RGS7: variants seen among roughly 807,000 people sequenced by gnomAD.
The protein encoded by RGS7 is regulator of G protein signaling 7, also known as regulator of G-protein signaling 7.
Under a neutral mutation model 81.1 loss-of-function variants are expected in RGS7, and 27 were observed. The ratio of observed to expected loss-of-function variants is 0.33; its 90% CI spans 0.25 to 0.46. The LOEUF (loss-of-function observed/expected upper bound fraction) is 0.46. Ranked by LOEUF, RGS7 falls within the 20% of genes least tolerant of loss-of-function variation. The pLI is 1.00. For synonymous variants in RGS7, 208 were observed against 207.7 expected, an observed-to-expected ratio of 1.00 and a Z score of -0.01; for missense variants, 396 against 607.4, an observed-to-expected ratio of 0.65 and a Z score of 3.66.
intron 2 of RGS7, among the ~76,000 whole-genome samples, chr1:241,162,188 C>A (rs891870181): frequency 6.6e-6 from 1 of 151,206 alleles, no homozygotes; most frequent in African/African-American, 2.4e-5. Context: ...AGACCGTCTC[C>A]CAATAGATAT....
At chr1:240,805,353 A>G (rs1688675858) in intron 15 of RGS7, among the ~76,000 whole-genome samples, 1 of 151,622 alleles carries the variant, frequency 6.6e-6, no homozygotes, top group Non-Finnish European at 1.5e-5. Flanking sequence ...CACTGTAGGT[A>G]ACAGAGAGAG....
chr1:241,344,890 C>T (rs2082788137), intron 2 of RGS7, among the ~76,000 whole-genome samples: 1 of 152,160 alleles, frequency 6.6e-6, no homozygotes, highest in Admixed American at 6.5e-5. Flanking sequence ...CACTCAGATT[C>T]GCAGAGGAAT....
chr1:240,803,379 T>A (rs1029199679), intron 15 of RGS7, among the ~76,000 whole-genome samples: 3 of 152,122 alleles, frequency 2.0e-5, no homozygotes, highest in African/African-American at 7.2e-5. Context: ...TCAGACTGAG[T>A]AATCATCCTG....
chr1:240,913,053 A>G (rs1412574786), intron 6 of RGS7, among the ~76,000 whole-genome samples: 4 of 152,192 alleles, frequency 2.6e-5, no homozygotes, highest in Non-Finnish European at 5.9e-5. Flanking sequence ...CCAGCAAAAC[A>G]CTTCCAAGCT....
chr1:241,061,055 G>A (rs74896716), intron 3 of RGS7, among the ~76,000 whole-genome samples: 4,016 of 152,236 alleles, frequency 0.026, 161 homozygotes, highest in African/African-American at 0.079. Flanking sequence ...AATAAACTGC[G>A]TGAGCATCAG....
At position 240,775,918 on chromosome 1, in the gene RGS7, C is replaced by G; in HGVS notation, c.*302G>C. The G allele has an allele frequency of 2.0e-6, 1 of 488,634 alleles. No individual in the cohort carries two copies. Among genetic ancestry groups the G allele is most frequent in the Non-Finnish European group, 3.7e-6 (1 of 268,580 alleles). The allele number at this position is 488,634 out of a possible 1,614,324, so 30.3% of individuals were successfully genotyped here. A position where few individuals can be genotyped will look rare whatever the true frequency, so the allele number is the denominator to read the frequency against. The stretch of plus-strand genomic sequence containing the variant: ...AAGAAAAGGTTTTACTTCACTTGAA[C>G]TTGTTAAAAAGGAAGAGACACAGAT... On this transcript the variant is annotated 3_prime_UTR_variant, in exon 19 of 19. Coordinates refer to ENST00000440928, the MANE Select transcript of RGS7 (RefSeq NM_001364886.1).
intron 3 of RGS7, among the ~76,000 whole-genome samples, chr1:241,020,029 G>T (rs1208518296): frequency 1.3e-5 from 2 of 152,178 alleles, no homozygotes; most frequent in Non-Finnish European, 2.9e-5. Context: ...GGAAATAAAA[G>T]TGGAAGTCTC....
At chr1:240,856,703 A>G (rs1333020704) in intron 9 of RGS7, among the ~76,000 whole-genome samples, 3 of 152,196 alleles carry the variant, frequency 2.0e-5, no homozygotes, top group Non-Finnish European at 4.4e-5. Flanking sequence ...TAATCCTTCA[A>G]AAGATAATTT....
chr1:240,996,458 C>T lies in RGS7; in HGVS notation c.176-13329G>A, dbSNP rs529193593. Reference sequence around the variant, plus strand: ...TTCTTCTTTCAGTTCTATCCATTTGCCTCATGTATTCTGAATCTCTCTTGT... The same window carrying T: ...TTCTTCTTTCAGTTCTATCCATTTGTCTCATGTATTCTGAATCTCTCTTGT... On this transcript the variant is annotated intron_variant, in intron 3 of 18. Transcript: ENST00000440928. Among the ~76,000 whole-genome samples, 15 of 152,234 alleles carry T rather than the reference C, an allele frequency of 9.9e-5. No homozygotes were observed. The East Asian group carries it at 2.9e-3, about 29-fold the overall frequency.
intron 2 of RGS7, among the ~76,000 whole-genome samples, chr1:241,246,703 C>T (rs916523286): frequency 6.6e-6 from 1 of 151,982 alleles, no homozygotes; most frequent in African/African-American, 2.4e-5. Flanking sequence ...GGTATGTTGG[C>T]TTTAATAGTT....
At chr1:241,256,910 A>T (rs1000032476) in intron 2 of RGS7, among the ~76,000 whole-genome samples, 2 of 146,252 alleles carry the variant, frequency 1.4e-5, no homozygotes, top group Non-Finnish European at 3.0e-5. Context: ...AGTTATTCTT[A>T]AACTACCACT....
chr1:241,099,460 A>C (rs2064555388), intron 2 of RGS7, among the ~76,000 whole-genome samples: 1 of 152,182 alleles, frequency 6.6e-6, no homozygotes, highest in Non-Finnish European at 1.5e-5. Flanking sequence ...GTATACAATA[A>C]AATGAATGTA....
At chr1:240,927,813 T>C (rs186661285) in intron 6 of RGS7, among the ~76,000 whole-genome samples, 2 of 152,258 alleles carry the variant, frequency 1.3e-5, no homozygotes, top group Admixed American at 1.3e-4. Context: ...AACATAATAA[T>C]TAAAGAATAA....
At chr1:241,241,772 T>C (rs1171966848) in intron 2 of RGS7, among the ~76,000 whole-genome samples, 2 of 152,188 alleles carry the variant, frequency 1.3e-5, no homozygotes, top group Admixed American at 6.5e-5. Flanking sequence ...GGACCAGCAC[T>C]GGCCATGTTT....
intron 2 of RGS7, among the ~76,000 whole-genome samples, chr1:241,150,874 C>G (rs562193258): frequency 6.1e-4 from 85 of 139,576 alleles, no homozygotes; most frequent in Admixed American, 2.5e-3. Flanking sequence ...TGGTGTAGCT[C>G]TGTCTGAGGC....
chr1:241,257,495 T>G (rs575324868), intron 2 of RGS7, among the ~76,000 whole-genome samples: 100 of 152,298 alleles, frequency 6.6e-4, no homozygotes, highest in African/African-American at 2.3e-3. Flanking sequence ...CAACCTAGAT[T>G]GTGCCAAAAT....
intron 2 of RGS7, among the ~76,000 whole-genome samples, chr1:241,110,955 G>A (rs1337413490): frequency 6.6e-6 from 1 of 152,068 alleles, no homozygotes; most frequent in Admixed American, 6.6e-5. Context: ...AAAGCTCTGG[G>A]ATTATGGGAG....
rs375739053 is a variant in RGS7 at position 240,837,168 on chromosome 1, G to C, written c.610-9996C>G. Among the ~76,000 whole-genome samples, 18 of 152,190 alleles carry C rather than the reference G, an allele frequency of 1.2e-4. No homozygotes were observed. In the South Asian group the frequency reaches 1.2e-3, roughly 11 times the overall value. On this transcript the variant is annotated intron_variant, in intron 9 of 18. Coordinates refer to ENST00000440928, the MANE Select transcript of RGS7 (RefSeq NM_001364886.1). ...TGCTTTGAAATTTAAAAAATCACTG[G>C]GCAGAAGCTAAGTTGTCATAATTAT...
chr1:241,250,077 T>C (rs886876760), intron 2 of RGS7, among the ~76,000 whole-genome samples: 4 of 152,188 alleles, frequency 2.6e-5, no homozygotes, highest in Non-Finnish European at 4.4e-5. Context: ...ACAAAGTTCA[T>C]AATAAAATTC....
Sources: gnomAD v4.1 joint callset for allele counts (sites outside exome capture counted in the v4.1 genomes callset) on GRCh38, gnomAD v4.1.1 for gene constraint, MANE v1.5 for transcripts, NCBI Gene and HGNC (gene_info 2026-07-23, HGNC 2026-07-21) for gene names.